Variants in MYOF observed in about 807,000 individuals in gnomAD.
MYOF encodes the protein fer-1-like 3, myoferlin.
Under a neutral mutation model 284.2 loss-of-function variants are expected in MYOF, and 244 were observed. The observed-to-expected ratio is 0.86, with a 90% CI of 0.77 to 0.95. The LOEUF (loss-of-function observed/expected upper bound fraction) is 0.95. MYOF is among the 40% of genes least tolerant of loss of function. The pLI is 0.00. For synonymous variants in MYOF, 904 were observed against 919.7 expected (o/e 0.98, Z 0.31); for missense variants, 2,496 against 2,560.6 (o/e 0.97, Z 0.54).
chr10:93,360,876 G>C (rs545424680), intron 28 of MYOF, among the ~76,000 whole-genome samples: 1 of 152,194 alleles, frequency 6.6e-6, no homozygotes, highest in South Asian at 2.1e-4. Flanking sequence ...TCTCATCCTG[G>C]ATCCCCAAGC....
rs1371526315 is a variant in MYOF at position 93,366,392 on chromosome 10, C to T, written c.2753G>A (p.Ser918Asn). The change falls in exon 26 of 54, where the codon AGC becomes AAC. Residue 918 changes from serine to asparagine, a missense_variant and splice_region_variant. Coordinates refer to ENST00000359263, the MANE Select transcript of MYOF (RefSeq NM_013451.4). ...TTTACTCAGAAAATGGACAACTTACCTTCTTTCAGGATCAACTATCCACTC... is the reference window on the plus strand; with the variant it reads ...TTTACTCAGAAAATGGACAACTTACTTTCTTTCAGGATCAACTATCCACTC... The part of the protein sequence containing the change: ...EGEWIVDPER[S>N]LLTEADAGHT... The T allele has an allele frequency of 6.2e-7, 1 of 1,610,328 alleles. No homozygotes were observed. Among genetic ancestry groups the T allele is most frequent in the Non-Finnish European group, 8.5e-7 (1 of 1,179,208 alleles).
chr10:93,463,651 C>T (rs1458902056), intron 1 of MYOF, among the ~76,000 whole-genome samples: 6 of 151,882 alleles, frequency 4.0e-5, no homozygotes, highest in African/African-American at 7.2e-5. Context: ...CCACCCGTCT[C>T]GGCCTCCCAA....
intron 40 of MYOF, among the ~76,000 whole-genome samples, chr10:93,336,456 G>T (rs1843611831): frequency 6.6e-6 from 1 of 152,126 alleles, no homozygotes; most frequent in Admixed American, 6.5e-5. Flanking sequence ...TACAACGTGG[G>T]GATAAAAGGC....
chr10:93,324,192 G>T (rs949113356), intron 46 of MYOF: 1 of 152,116 alleles, frequency 6.6e-6, no homozygotes, highest in Non-Finnish European at 1.5e-5. Flanking sequence ...TATATCAACC[G>T]TACAAACCAA....
intron 25 of MYOF, 135 bp from the exon 26 acceptor site, chr10:93,366,690 G>A (rs556551663): frequency 2.9e-6 from 2 of 694,528 alleles, no homozygotes; most frequent in Admixed American, 3.0e-5. Context: ...TGCTCAGAAG[G>A]TATGGACCTA....
intron 51 of MYOF, 114 bp downstream of exon 51, chr10:93,312,906 C>T: frequency 1.8e-6 from 2 of 1,123,162 alleles, no homozygotes; most frequent in Non-Finnish European, 2.5e-6. Context: ...AACTTAAACT[C>T]CCACCAATTT....
Position 93,408,730 on chromosome 10 carries a change from G to A in MYOF, c.729+57C>T, listed in dbSNP as rs1205231949. Reference sequence around the variant, plus strand: ...TGTCTTCACCAGTGAAGCTGCTCCCGTGTTTCCCTCCCCAGTGGGACTCAT... The same window carrying A: ...TGTCTTCACCAGTGAAGCTGCTCCCATGTTTCCCTCCCCAGTGGGACTCAT... On this transcript the variant is annotated intron_variant, in intron 7 of 53. Coordinates refer to ENST00000359263, the MANE Select transcript of MYOF (RefSeq NM_013451.4). 20 of 1,608,134 alleles carry A rather than the reference G, an allele frequency of 1.2e-5. No individual in the cohort carries two copies. In the Middle Eastern group the frequency reaches 5.0e-4, roughly 40 times the overall value.
At chr10:93,368,337 C>T (rs369787583) in intron 25 of MYOF, among the ~76,000 whole-genome samples, 5 of 152,312 alleles carry the variant, frequency 3.3e-5, no homozygotes, top group East Asian at 1.9e-4. Flanking sequence ...TCCCCACTCT[C>T]GCCCCATGTT....
chr10:93,416,885 A>G (rs1848147873), intron 5 of MYOF, among the ~76,000 whole-genome samples: 1 of 152,202 alleles, frequency 6.6e-6, no homozygotes, highest in African/African-American at 2.4e-5. Flanking sequence ...GGCGTGAGCC[A>G]CTGCACCCGG....
At chr10:93,436,064 G>A (rs1478485887) in intron 3 of MYOF, among the ~76,000 whole-genome samples, 1 of 151,674 alleles carries the variant, frequency 6.6e-6, no homozygotes, top group Non-Finnish European at 1.5e-5. Context: ...TTATAATGTC[G>A]TGAATCAAAC....
intron 53 of MYOF, among the ~76,000 whole-genome samples, chr10:93,309,057 T>A (rs1379609328): frequency 6.6e-6 from 1 of 152,180 alleles, no homozygotes; most frequent in African/African-American, 2.4e-5. Flanking sequence ...TTTGAATGTC[T>A]CCTGTGACAT....
At chr10:93,393,903 A>G (rs909334807) in intron 16 of MYOF, among the ~76,000 whole-genome samples, 1 of 152,232 alleles carries the variant, frequency 6.6e-6, no homozygotes, top group African/African-American at 2.4e-5. Flanking sequence ...TCAAAATACA[A>G]TAAATAGTGC....
At chr10:93,379,719 A>T (rs1564665588) in intron 21 of MYOF, 144 bp downstream of exon 21, 1 of 1,019,950 alleles carries the variant, frequency 9.8e-7, no homozygotes, top group Non-Finnish European at 1.4e-6. Flanking sequence ...AGGACCATCT[A>T]CCTCCACTGT....
intron 39 of MYOF, 127 bp from the exon 40 acceptor site, chr10:93,338,040 G>A: frequency 1.4e-6 from 1 of 714,638 alleles, no homozygotes; most frequent in East Asian, 2.6e-5. Context: ...GAGATTATAT[G>A]ACTTTTGTTT....
At chr10:93,410,243 TCTC>T (rs1847846982) in intron 5 of MYOF, among the ~76,000 whole-genome samples, 2 of 152,008 alleles carry the variant, frequency 1.3e-5, no homozygotes, top group African/African-American at 2.4e-5. Context: ...GAAGAGAAAC[TCTC>T]CTCATTTTCT....
chr10:93,378,041 C>T (rs1369433399), intron 21 of MYOF, among the ~76,000 whole-genome samples: 1 of 152,216 alleles, frequency 6.6e-6, no homozygotes, highest in Non-Finnish European at 1.5e-5. Flanking sequence ...GTAGTGAGCA[C>T]TGTATACCCA....
Position 93,351,298 on chromosome 10 carries a change from G to C in MYOF, c.3823-3C>G. 1 of 1,611,844 alleles carries C rather than the reference G, an allele frequency of 6.2e-7. No individual in the cohort carries two copies. Among genetic ancestry groups the C allele is most frequent in the Non-Finnish European group, 8.5e-7 (1 of 1,179,140 alleles). On this transcript the variant is annotated splice_region_variant and splice_polypyrimidine_tract_variant and intron_variant, in intron 34 of 53. Transcript: ENST00000359263. The stretch of plus-strand genomic sequence containing the variant: ...AGAATGGGAAGGTTGGAGCCATCCT[G>C]TGAAACAAACATGGATATGTCAATG...
chr10:93,316,667 T>A, intron 50 of MYOF, 47 bp downstream of exon 50: 2 of 1,507,954 alleles, frequency 1.3e-6, no homozygotes, highest in Non-Finnish European at 1.8e-6. Flanking sequence ...ACCCCACTAA[T>A]TCCAAGTACA....
intron 16 of MYOF, among the ~76,000 whole-genome samples, chr10:93,395,059 G>C (rs1339627631): frequency 1.3e-5 from 2 of 151,920 alleles, no homozygotes; most frequent in African/African-American, 4.8e-5. Flanking sequence ...ATAAAATTTT[G>C]TCTCAAAGTC....
Sources: gnomAD v4.1 joint callset for allele counts (sites outside exome capture counted in the v4.1 genomes callset) on GRCh38, gnomAD v4.1.1 for gene constraint, MANE v1.5 for transcripts, NCBI Gene and HGNC (gene_info 2026-07-23, HGNC 2026-07-21) for gene names.